The following ZCWPW2 variants were observed in gnomAD, a reference collection of about 807,000 sequenced individuals.
ZCWPW2 encodes the protein zinc finger CW-type and PWWP domain containing 2, also known as zinc finger CW-type PWWP domain protein 2.
In ZCWPW2, 45 loss-of-function variants were observed where a neutral mutation model predicts 46.6. The observed-to-expected ratio is 0.96, with a 90% confidence interval of 0.76 to 1.24. ZCWPW2 has a LOEUF of 1.24. Among genes scored for constraint, ZCWPW2 ranks in the 50% most tolerant of loss-of-function variants. The pLI, the probability that ZCWPW2 is intolerant of heterozygous loss-of-function variation, is 0.00. For synonymous variants in ZCWPW2, 152 were observed against 137.1 expected (o/e 1.11, Z -0.76); for missense variants, 429 against 403.9 (o/e 1.06, Z -0.53).
chr3:28,435,737 C>T (rs965343823), intron 4 of ZCWPW2, among the ~76,000 whole-genome samples: 5 of 151,996 alleles, frequency 3.3e-5, no homozygotes, highest in Admixed American at 6.6e-5. Flanking sequence ...CAGCCCGCCC[C>T]GGCCTCCGAA....
intron 1 of ZCWPW2, among the ~76,000 whole-genome samples, chr3:28,385,868 A>G (rs1057233188): frequency 5.3e-5 from 8 of 151,428 alleles, no homozygotes; most frequent in African/African-American, 1.9e-4. Context: ...CTACTTTCCT[A>G]AGTGAGATTA....
chr3:28,510,353 C>T (rs1035808527), intron 6 of ZCWPW2, among the ~76,000 whole-genome samples: 5 of 152,184 alleles, frequency 3.3e-5, no homozygotes, highest in African/African-American at 1.2e-4. Context: ...CATGGAATAA[C>T]GTCGCAGTGA....
intron 4 of ZCWPW2, among the ~76,000 whole-genome samples, chr3:28,474,741 C>T (rs1186833013): frequency 1.3e-5 from 2 of 152,100 alleles, no homozygotes; most frequent in African/African-American, 4.8e-5. Flanking sequence ...ACATCTCCAC[C>T]TCGATGTCAT....
chr3:28,365,591 G>C (rs1705096048), intron 1 of ZCWPW2, among the ~76,000 whole-genome samples: 1 of 140,932 alleles, frequency 7.1e-6, no homozygotes. Flanking sequence ...GATGCCTCCA[G>C]CTTTGTTCTT....
At chr3:28,358,466 C>G (rs1422245288) in intron 1 of ZCWPW2, among the ~76,000 whole-genome samples, 1 of 152,036 alleles carries the variant, frequency 6.6e-6, no homozygotes, top group Non-Finnish European at 1.5e-5. Flanking sequence ...GTCAAATTCT[C>G]AGAGAATTGG....
intron 1 of ZCWPW2, among the ~76,000 whole-genome samples, chr3:28,365,703 T>A (rs1366885171): frequency 7.1e-6 from 1 of 141,304 alleles, no homozygotes; most frequent in East Asian, 1.9e-4. Context: ...GGTAGCTTGA[T>A]GGGGATGACA....
At chr3:28,424,587 C>G (rs753957831) in intron 3 of ZCWPW2, among the ~76,000 whole-genome samples, 3 of 152,074 alleles carry the variant, frequency 2.0e-5, no homozygotes, top group Non-Finnish European at 4.4e-5. Flanking sequence ...TCAGAAGAAA[C>G]CAAACATGTC....
At chr3:28,368,089 G>C (rs192895930) in intron 1 of ZCWPW2, among the ~76,000 whole-genome samples, 13 of 151,982 alleles carry the variant, frequency 8.6e-5, no homozygotes, top group Non-Finnish European at 1.0e-4. Flanking sequence ...TGGGTCTTGC[G>C]TCTTTATCCA....
At chr3:28,474,089 AATT>A (rs1462821525) in intron 4 of ZCWPW2, among the ~76,000 whole-genome samples, 2 of 152,184 alleles carry the variant, frequency 1.3e-5, no homozygotes, top group African/African-American at 4.8e-5. Flanking sequence ...ACCCTGATCT[AATT>A]ATTACACATT....
intron 6 of ZCWPW2, among the ~76,000 whole-genome samples, chr3:28,495,113 A>G (rs911597828): frequency 6.6e-6 from 1 of 151,836 alleles, no homozygotes; most frequent in Non-Finnish European, 1.5e-5. Flanking sequence ...AAGAGCCCGC[A>G]TCGCCAAGTC....
chr3:28,383,659 A>G (rs1003280942), intron 1 of ZCWPW2, among the ~76,000 whole-genome samples: 6 of 152,020 alleles, frequency 3.9e-5, no homozygotes, highest in African/African-American at 1.4e-4. Flanking sequence ...AAGTCAAGAC[A>G]TTCTAAATAT....
At chr3:28,395,754 A>G (rs1477486893) in intron 2 of ZCWPW2, among the ~76,000 whole-genome samples, 1 of 152,154 alleles carries the variant, frequency 6.6e-6, no homozygotes, top group Non-Finnish European at 1.5e-5. Context: ...GCTTGGAGTG[A>G]AAAATAGGGA....
At chr3:28,430,073 G>C (rs1434035919) in intron 3 of ZCWPW2, among the ~76,000 whole-genome samples, 1 of 152,168 alleles carries the variant, frequency 6.6e-6, no homozygotes, top group African/African-American at 2.4e-5. Flanking sequence ...TGAGAAGAGG[G>C]CCATCTTCTT....
At chr3:28,468,009 C>T (rs530851413) in intron 4 of ZCWPW2, among the ~76,000 whole-genome samples, 3 of 151,988 alleles carry the variant, frequency 2.0e-5, no homozygotes, top group South Asian at 2.1e-4. Flanking sequence ...TGAAGAGATA[C>T]GTGACCTTTC....
chr3:28,446,763 C>G (rs571489293), intron 4 of ZCWPW2, among the ~76,000 whole-genome samples: 5 of 151,918 alleles, frequency 3.3e-5, no homozygotes, highest in African/African-American at 1.2e-4. Flanking sequence ...AACTGTCAAA[C>G]CTTTAGCTAG....
chr3:28,387,018 G>A (rs556268709), intron 1 of ZCWPW2, among the ~76,000 whole-genome samples: 10 of 152,266 alleles, frequency 6.6e-5, no homozygotes, highest in African/African-American at 1.7e-4. Flanking sequence ...GTAGACTACC[G>A]AAGGTCCTGT....
intron 1 of ZCWPW2, among the ~76,000 whole-genome samples, chr3:28,371,743 G>A (rs981821557): frequency 3.3e-5 from 5 of 152,066 alleles, no homozygotes; most frequent in Admixed American, 2.6e-4. Context: ...AACTTAACAG[G>A]ATTCTTTGCT....
chr3:28,359,165 A>G (rs575702707), intron 1 of ZCWPW2, among the ~76,000 whole-genome samples: 24 of 152,232 alleles, frequency 1.6e-4, no homozygotes, highest in Non-Finnish European at 3.2e-4. Flanking sequence ...GAAAGTGGAA[A>G]TGGTCAGATC....
chr3:28,364,642 C>A (rs1157552096), intron 1 of ZCWPW2, among the ~76,000 whole-genome samples: 2 of 151,826 alleles, frequency 1.3e-5, no homozygotes, highest in Admixed American at 6.6e-5. Flanking sequence ...TAAATTATGG[C>A]CATTCTTTTT....
Sources: allele counts gnomAD v4.1 joint callset (sites outside exome capture counted in the v4.1 genomes callset), GRCh38; gene constraint gnomAD v4.1.1; transcripts MANE v1.5; gene names NCBI Gene and HGNC (gene_info 2026-07-23, HGNC 2026-07-21).